Variants in ANKS1B observed in about 807,000 individuals in gnomAD.
The protein encoded by ANKS1B is ankyrin repeat and sterile alpha motif domain-containing protein 1B.
A neutral mutation model predicts 148.3 loss-of-function variants in ANKS1B; 36 were observed. That is an observed-to-expected ratio of 0.24 (90% CI 0.19 to 0.32). The LOEUF (loss-of-function observed/expected upper bound fraction) is 0.32. Ranked by LOEUF, ANKS1B falls within the 10% of genes least tolerant of loss-of-function variation. The pLI is 1.00. For missense variants in ANKS1B, 1,157 were observed against 1,542.6 expected (o/e 0.75, Z 4.19); for synonymous variants, 542 against 560.8 (o/e 0.97, Z 0.47).
intron 9 of ANKS1B, among the ~76,000 whole-genome samples, chr12:99,582,802 A>C (rs376666335): frequency 2.0e-5 from 3 of 152,194 alleles, no homozygotes; most frequent in African/African-American, 7.2e-5. Flanking sequence ...GTATAACTAC[A>C]ATTCATGAAT....
chr12:99,271,354 G>A (rs1337376428), intron 12 of ANKS1B, among the ~76,000 whole-genome samples: 2 of 151,952 alleles, frequency 1.3e-5, no homozygotes, highest in African/African-American at 2.4e-5. Context: ...GGTTTGGTTA[G>A]GTACTACTTC....
At chr12:99,374,646 G>A (rs1593367877) in intron 12 of ANKS1B, among the ~76,000 whole-genome samples, 1 of 152,144 alleles carries the variant, frequency 6.6e-6, no homozygotes, top group South Asian at 2.1e-4. Flanking sequence ...TGATGTTTTA[G>A]TAACCAGAAA....
At chr12:99,440,036 C>A (rs1476570715) in intron 11 of ANKS1B, among the ~76,000 whole-genome samples, 1 of 151,656 alleles carries the variant, frequency 6.6e-6, no homozygotes, top group East Asian at 1.9e-4. Flanking sequence ...GTGATACGCA[C>A]ACAGAAAACA....
chr12:99,831,230 CA>C lies in ANKS1B; in HGVS notation c.135-5842del, dbSNP rs546884271. On this transcript the variant is annotated intron_variant, in intron 1 of 26. Coordinates refer to ENST00000683438, the MANE Select transcript of ANKS1B (RefSeq NM_001352186.2). Reference sequence around the variant, plus strand: ...CAACCTCACTGGCAATCAAAGAAAGCAAAAAAAAAAAAAACCAAACCCATAC... The same window carrying C: ...CAACCTCACTGGCAATCAAAGAAAGCAAAAAAAAAAAAACCAAACCCATAC... Among the ~76,000 whole-genome samples the C allele has an allele frequency of 8.3e-3, 692 of 83,744 alleles. 3 individuals carry two copies. Among genetic ancestry groups the C allele is most frequent in the African/African-American group, 0.017 (422 of 25,124 alleles). The allele number at this position is 83,744 out of a possible 152,430, so 54.9% of individuals were successfully genotyped here.
rs943973968 is a variant in ANKS1B, at chr12:99,899,408, T to A, written c.135-74019A>T. Among the ~76,000 whole-genome samples, 51 of 152,196 alleles carry A rather than the reference T, an allele frequency of 3.4e-4. 1 individual carries two copies. Among genetic ancestry groups the A allele is most frequent in the Admixed American group, 5.2e-4 (8 of 15,278 alleles). On this transcript the variant is annotated intron_variant, in intron 1 of 26. Coordinates refer to ENST00000683438, the MANE Select transcript of ANKS1B (RefSeq NM_001352186.2). The stretch of plus-strand genomic sequence containing the variant: ...CCTGTCTCCTAAATTTAGTGAGGTA[T>A]GTGTTGAAATAGAAATCTAATACGT...
At chr12:99,249,203 G>C (rs955741404) in intron 12 of ANKS1B, among the ~76,000 whole-genome samples, 1 of 152,148 alleles carries the variant, frequency 6.6e-6, no homozygotes, top group Non-Finnish European at 1.5e-5. Context: ...GTCTGAATTT[G>C]AAAGGAAAAT....
chr12:99,397,297 A>C (rs997993179), intron 12 of ANKS1B, among the ~76,000 whole-genome samples: 1 of 152,166 alleles, frequency 6.6e-6, no homozygotes, highest in African/African-American at 2.4e-5. Flanking sequence ...TTGTTAATCT[A>C]ATTCTATAGT....
chr12:98,803,973 C>A (rs957012331), intron 20 of ANKS1B, among the ~76,000 whole-genome samples: 2 of 152,176 alleles, frequency 1.3e-5, no homozygotes, highest in African/African-American at 4.8e-5. Context: ...CAATCTCGGT[C>A]TGGAAATCAC....
intron 12 of ANKS1B, among the ~76,000 whole-genome samples, chr12:99,399,339 T>C (rs947586511): frequency 3.5e-4 from 54 of 152,168 alleles, no homozygotes; most frequent in African/African-American, 1.3e-3. Context: ...TTGATACCGC[T>C]GTGTGGTGAG....
chr12:98,999,984 C>T (rs1015046815), intron 17 of ANKS1B, among the ~76,000 whole-genome samples: 2 of 152,134 alleles, frequency 1.3e-5, no homozygotes, highest in African/African-American at 4.8e-5. Flanking sequence ...TCTTTAGAAG[C>T]CAAGATAGGA....
At chr12:99,910,160 G>A (rs2093949105) in intron 1 of ANKS1B, among the ~76,000 whole-genome samples, 1 of 152,000 alleles carries the variant, frequency 6.6e-6, no homozygotes, top group East Asian at 1.9e-4. Context: ...TTCAAGAACA[G>A]CCTGGCCAAC....
chr12:99,325,141 G>T (rs2086068408), intron 12 of ANKS1B, among the ~76,000 whole-genome samples: 1 of 151,986 alleles, frequency 6.6e-6, no homozygotes. Context: ...CATAGAAAAT[G>T]CATATTATGA....
At chr12:99,188,026 A>C (rs1234877892) in intron 14 of ANKS1B, among the ~76,000 whole-genome samples, 1 of 152,206 alleles carries the variant, frequency 6.6e-6, no homozygotes, top group Non-Finnish European at 1.5e-5. Flanking sequence ...AAGCAAAAAA[A>C]AAAGCAGGGG....
At chr12:99,568,742 C>G (rs2097422663) in intron 9 of ANKS1B, among the ~76,000 whole-genome samples, 1 of 152,080 alleles carries the variant, frequency 6.6e-6, no homozygotes, top group African/African-American at 2.4e-5. Context: ...AAAGCATTCA[C>G]AAAGCACCTA....
At chr12:99,517,657 T>C (rs1044407931) in intron 9 of ANKS1B, among the ~76,000 whole-genome samples, 2 of 151,892 alleles carry the variant, frequency 1.3e-5, no homozygotes, top group Admixed American at 6.6e-5. Context: ...TGAATATATA[T>C]AGCCAACAAG....
chr12:99,217,254 G>A (rs754388081), intron 14 of ANKS1B, among the ~76,000 whole-genome samples: 2 of 151,566 alleles, frequency 1.3e-5, no homozygotes, highest in Non-Finnish European at 2.9e-5. Context: ...TGAACAACAC[G>A]ACTTAAAGTC....
intron 14 of ANKS1B, among the ~76,000 whole-genome samples, chr12:99,164,745 A>G (rs2077036244): frequency 6.6e-6 from 1 of 151,976 alleles, no homozygotes; most frequent in South Asian, 2.1e-4. Context: ...CTTATTCCCA[A>G]CCAGTTCCTA....
At chr12:99,805,635 A>AAAC (rs2067548725) in intron 4 of ANKS1B, among the ~76,000 whole-genome samples, 1 of 152,038 alleles carries the variant, frequency 6.6e-6, no homozygotes, top group African/African-American at 2.4e-5. Context: ...CTCTGTCTGA[A>AAAC]AATAATAATA....
chr12:99,346,619 GAAAC>G (rs990530584), intron 12 of ANKS1B, among the ~76,000 whole-genome samples: 6 of 151,870 alleles, frequency 4.0e-5, no homozygotes, highest in South Asian at 2.1e-4. Context: ...AAAACAAAAC[GAAAC>G]AAACAAACAA....
Sources: allele counts gnomAD v4.1 joint callset (sites outside exome capture counted in the v4.1 genomes callset), GRCh38; gene constraint gnomAD v4.1.1; transcripts MANE v1.5; gene names NCBI Gene and HGNC (gene_info 2026-07-23, HGNC 2026-07-21).